Variants in FERMT1 observed in about 807,000 individuals in gnomAD.
The protein encoded by FERMT1 is FERM domain containing kindlin 1.
In FERMT1, 60 loss-of-function variants were observed where a neutral mutation model predicts 85.3. That is an observed-to-expected ratio of 0.70 (90% CI 0.57 to 0.87). The LOEUF (loss-of-function observed/expected upper bound fraction) is 0.87, where lower values mean the gene tolerates loss of function less well. FERMT1 is among the 40% of genes least tolerant of loss of function. The pLI, the probability that FERMT1 is intolerant of heterozygous loss-of-function variation, is 0.00. For synonymous variants in FERMT1, 275 were observed against 301.1 expected, an observed-to-expected ratio of 0.91 and a Z score of 0.90; for missense variants, 701 against 818.9, an observed-to-expected ratio of 0.86 and a Z score of 1.76.
intron 1 of FERMT1, among the ~76,000 whole-genome samples, chr20:6,120,874 C>T (rs148027390): frequency 6.6e-6 from 1 of 152,144 alleles, no homozygotes; most frequent in East Asian, 1.9e-4. Context: ...TTCCCTTCAA[C>T]CTATTTAGAT....
chr20:6,115,962 G>A lies in FERMT1; in HGVS notation c.234C>T (p.Asp78=), dbSNP rs57272794. ...CWLLKTHWTL[D]KYGVQADAKL... ...TTGCATCTGCCTGGACCCCATATTT[G>A]TCCAGGGTCCAGTGGGTTTTCAGAA... The change falls in exon 3 of 15, where the codon GAC becomes GAT. Residue 78 remains aspartate (D), a synonymous_variant. Transcript: ENST00000217289. The A allele has an allele frequency of 6.3e-3, 10,117 of 1,614,062 alleles. 578 individuals carry two copies. The African/African-American group carries it at 0.12, about 19-fold the overall frequency.
At chr20:6,092,737 G>A (rs1348869187) in intron 9 of FERMT1, among the ~76,000 whole-genome samples, 1 of 152,064 alleles carries the variant, frequency 6.6e-6, no homozygotes, top group African/African-American at 2.4e-5. Context: ...TTAGGCAGGC[G>A]CTTCAGTTCT....
intron 14 of FERMT1, among the ~76,000 whole-genome samples, chr20:6,077,788 C>T (rs56014518): frequency 0.029 from 4,359 of 152,154 alleles, 91 homozygotes; most frequent in South Asian, 0.059. Flanking sequence ...TCAAGCGATT[C>T]TCATGCCTCA....
At position 6,087,732 on chromosome 20, in the gene FERMT1, C is replaced by T. The variant is rs748202323; in HGVS notation, c.1371+45G>A. Reference sequence around the variant, plus strand: ...AACATTTTTGGGTTTTGCTCTTAGGCTTAGTGGAGGTGAAGTGACTTAATA... The same window carrying T: ...AACATTTTTGGGTTTTGCTCTTAGGTTTAGTGGAGGTGAAGTGACTTAATA... On this transcript the variant is annotated intron_variant, in intron 11 of 14. Transcript: ENST00000217289. 2.1e-5 allele frequency: 22 copies of T among 1,060,258 alleles called. 1 individual carries two copies. The Middle Eastern group carries it at 6.0e-4, about 29-fold the overall frequency. The allele number at this position is 1,060,258 out of a possible 1,614,324, so 65.7% of individuals were successfully genotyped here. A position where few individuals can be genotyped will look rare whatever the true frequency, so the allele number is the denominator to read the frequency against.
At chr20:6,116,330 G>A (rs984849679) in intron 2 of FERMT1, among the ~76,000 whole-genome samples, 1 of 151,784 alleles carries the variant, frequency 6.6e-6, no homozygotes, top group African/African-American at 2.4e-5. Flanking sequence ...TAACACACCT[G>A]CATGTTCTGC....
At position 6,077,349 on chromosome 20, in the gene FERMT1, G is replaced by T; in HGVS notation, c.1861-3C>A. The T allele has an allele frequency of 6.2e-7, 1 of 1,614,080 alleles. No homozygotes were observed. Among genetic ancestry groups the T allele is most frequent in the Non-Finnish European group, 8.5e-7 (1 of 1,179,990 alleles). On this transcript the variant is annotated splice_region_variant and splice_polypyrimidine_tract_variant and intron_variant, in intron 14 of 14. Transcript: ENST00000217289. ...TTTTGGTCAAACTCGATGACCACCT[G>T]GAAGAGGAAGGCACAGAGAAGCTTA... is the stretch of plus-strand genomic sequence containing the variant.
chr20:6,077,497 T>C, intron 14 of FERMT1, 151 bp from the exon 15 acceptor site: 1 of 748,144 alleles, frequency 1.3e-6, no homozygotes. Context: ...ATCACTTCCA[T>C]TAAACGCTTC....
At position 6,118,869 on chromosome 20, in the gene FERMT1, G is replaced by A. The variant is rs193030141; in HGVS notation, c.151+535C>T. ...ACTTAAAGTCACATTAGATGTCACC[G>A]GTGGAATGGGTCCCATCCCTGTTGA... On this transcript the variant is annotated intron_variant, in intron 2 of 14. Transcript: ENST00000217289. Among the ~76,000 whole-genome samples, 284 of 152,108 alleles carry A rather than the reference G, an allele frequency of 1.9e-3. 1 individual carries two copies. The highest frequency in any genetic ancestry group is 3.1e-3 in the Non-Finnish European group (208 of 67,992).
intron 8 of FERMT1, 89 bp downstream of exon 8, chr20:6,096,809 AGATG>A: frequency 3.4e-5 from 33 of 983,544 alleles, no homozygotes; most frequent in Middle Eastern, 2.5e-4. Flanking sequence ...TTTCAAAATC[AGATG>A]AAATATTCTC....
At chr20:6,111,869 T>A (rs1009588940) in intron 4 of FERMT1, among the ~76,000 whole-genome samples, 1 of 65,204 alleles carries the variant, frequency 1.5e-5, no homozygotes, top group African/African-American at 7.2e-5. Flanking sequence ...TTTTCTTTTC[T>A]TTTTTTTTTT....
intron 11 of FERMT1, chr20:6,087,552 C>G (rs1982219838): frequency 2.0e-6 from 1 of 511,802 alleles, no homozygotes; most frequent in Admixed American, 2.4e-5. Flanking sequence ...CTCAGGTGAT[C>G]TGCCCACCTT....
intron 14 of FERMT1, among the ~76,000 whole-genome samples, chr20:6,077,929 C>G (rs1034250221): frequency 6.6e-6 from 1 of 152,156 alleles, no homozygotes; most frequent in Non-Finnish European, 1.5e-5. Context: ...TGATCCATGC[C>G]TCGGACCCCC....
chr20:6,084,955 A>G, intron 12 of FERMT1, 111 bp downstream of exon 12: 8 of 1,053,204 alleles, frequency 7.6e-6, no homozygotes, highest in Non-Finnish European at 1.2e-5. Flanking sequence ...GGCCTCCCAA[A>G]GTGCTGGAAT....
At chr20:6,079,725 C>T (rs1981941171) in intron 13 of FERMT1, 148 bp from the exon 14 acceptor site, 3 of 778,446 alleles carry the variant, frequency 3.9e-6, no homozygotes, top group Admixed American at 2.4e-5. Context: ...TGCAGGGGGG[C>T]ATTTTTATTG....
intron 5 of FERMT1, among the ~76,000 whole-genome samples, chr20:6,110,008 T>C (rs193141129): frequency 1.3e-5 from 2 of 152,264 alleles, no homozygotes; most frequent in East Asian, 3.9e-4. Flanking sequence ...ACACACTTAT[T>C]AACTACCCTA....
rs1311555052 is a variant in FERMT1, at chr20:6,097,527, TAG to T, written c.952_953del (p.Leu318ThrfsTer5). Reference sequence around the variant, plus strand: ...AAAGGTACTGAAGTTCCCATACCTGTAGAGCTGCAAAGATCAACATTTCTTCC... The same window carrying T: ...AAAGGTACTGAAGTTCCCATACCTGTAGCTGCAAAGATCAACATTTCTTCC... ...TEEEMLIFAA[L>X]QYHISKLSLS... On this transcript the variant is annotated frameshift_variant, in exon 7 of 15. Transcript: ENST00000217289. LOFTEE classifies it high-confidence loss of function. 1 of 1,609,508 alleles carries T rather than the reference TAG, an allele frequency of 6.2e-7. No homozygotes were observed. Among genetic ancestry groups the T allele is most frequent in the Non-Finnish European group, 8.5e-7 (1 of 1,175,778 alleles).
chr20:6,079,724 G>T (rs1237057866), intron 13 of FERMT1, 147 bp from the exon 14 acceptor site: 1 of 792,250 alleles, frequency 1.3e-6, no homozygotes. Context: ...CTGCAGGGGG[G>T]CATTTTTATT....
chr20:6,098,841 T>C (rs1217905817), intron 6 of FERMT1, among the ~76,000 whole-genome samples: 1 of 152,134 alleles, frequency 6.6e-6, no homozygotes, highest in Non-Finnish European at 1.5e-5. Flanking sequence ...TGTGGAGAAA[T>C]TGGAGCCCTT....
At chr20:6,114,135 C>A (rs1297163064) in intron 3 of FERMT1, among the ~76,000 whole-genome samples, 1 of 152,182 alleles carries the variant, frequency 6.6e-6, no homozygotes, top group African/African-American at 2.4e-5. Context: ...TTTAGCTTGA[C>A]TCTCCCCAGC....
Sources: allele counts gnomAD v4.1 joint callset (sites outside exome capture counted in the v4.1 genomes callset), GRCh38; gene constraint gnomAD v4.1.1; transcripts MANE v1.5; gene names NCBI Gene and HGNC (gene_info 2026-07-23, HGNC 2026-07-21).